SLC35F2: variants seen among roughly 807,000 people sequenced by gnomAD.
SLC35F2 encodes the protein solute carrier family 35 member F2.
Under a neutral mutation model 38.1 loss-of-function variants are expected in SLC35F2, and 25 were observed. That is an observed-to-expected ratio of 0.66 (90% CI 0.48 to 0.92). The LOEUF (loss-of-function observed/expected upper bound fraction) is 0.92. Among genes scored for constraint, SLC35F2 ranks in the 40% least tolerant of loss-of-function variants. The probability of loss-of-function intolerance (pLI) is 0.00; values close to 1 mark genes in which losing one functional copy is unlikely to be tolerated. For missense variants in SLC35F2, 409 were observed against 452.9 expected, an observed-to-expected ratio of 0.90 and a Z score of 0.88; for synonymous variants, 173 against 181.7, an observed-to-expected ratio of 0.95 and a Z score of 0.38.
intron 1 of SLC35F2, among the ~76,000 whole-genome samples, chr11:107,845,106 T>C (rs770334850): frequency 6.6e-6 from 1 of 152,046 alleles, no homozygotes; most frequent in Non-Finnish European, 1.5e-5. Context: ...TTGCTTCATA[T>C]CACAGTGAAA....
chr11:107,823,790 G>A (rs1273530674), intron 1 of SLC35F2: 1 of 156,576 alleles, frequency 6.4e-6, no homozygotes, highest in African/African-American at 2.4e-5. Flanking sequence ...TTAGTAAGGT[G>A]TGGTGGCGTG....
At chr11:107,823,204 C>A (rs11212389) in intron 1 of SLC35F2, 10 of 985,266 alleles carry the variant, frequency 1.0e-5, no homozygotes, top group Non-Finnish European at 1.2e-5. Flanking sequence ...TTAAGTCTCC[C>A]AGATGAGTCT....
At chr11:107,812,527 G>C (rs1401515115) in intron 2 of SLC35F2, among the ~76,000 whole-genome samples, 2 of 152,006 alleles carry the variant, frequency 1.3e-5, no homozygotes, top group Non-Finnish European at 2.9e-5. Flanking sequence ...AAAAAAAAGA[G>C]GGAGGGCAGG....
intron 1 of SLC35F2, among the ~76,000 whole-genome samples, chr11:107,853,489 C>A (rs530914105): frequency 6.6e-6 from 1 of 151,758 alleles, no homozygotes. Context: ...GAGGCAGAGG[C>A]GGGAGGATCA....
intron 7 of SLC35F2, among the ~76,000 whole-genome samples, chr11:107,800,635 G>T (rs1188352713): frequency 6.6e-6 from 1 of 152,098 alleles, no homozygotes; most frequent in East Asian, 1.9e-4. Context: ...GCAGTGGTGT[G>T]ATCAGATCAT....
chr11:107,815,593 C>CAA (rs946751559), intron 2 of SLC35F2, among the ~76,000 whole-genome samples, 197 bp downstream of exon 2: 14 of 139,532 alleles, frequency 1.0e-4, no homozygotes, highest in South Asian at 9.3e-4. Flanking sequence ...AACACACACA[C>CAA]AAAAAAAAAA....
In SLC35F2 at chr11:107,792,489, AACCACT is replaced by A; in HGVS notation, c.*120_*125del. On this transcript the variant is annotated 3_prime_UTR_variant, in exon 8 of 8. Transcript: ENST00000525815. ...TGTTCAGTGTTCCTTTCTAAAACCT[AACCACT>A]GGATCCAACCCAGGGTTGTAGAGTG... The A allele has an allele frequency of 8.9e-7, 1 of 1,121,812 alleles. No homozygotes were observed. The highest frequency in any genetic ancestry group is 1.2e-6 in the Non-Finnish European group (1 of 819,844). 69.5% of individuals were successfully genotyped at this position (1,121,812 alleles called of 1,614,324 possible). A position where few individuals can be genotyped will look rare whatever the true frequency, so the allele number is the denominator to read the frequency against.
chr11:107,855,985 A>G (rs1860272741), intron 1 of SLC35F2, among the ~76,000 whole-genome samples: 2 of 151,000 alleles, frequency 1.3e-5, no homozygotes, highest in East Asian at 2.0e-4. Context: ...GGCGCCTGTA[A>G]TCCTAGCTAC....
intron 2 of SLC35F2, among the ~76,000 whole-genome samples, chr11:107,812,222 G>A (rs1300474662): frequency 6.6e-6 from 1 of 152,038 alleles, no homozygotes; most frequent in East Asian, 1.9e-4. Flanking sequence ...TATTTCTAAT[G>A]TGGCCCCCTC....
At chr11:107,848,238 TA>T (rs975557670) in intron 1 of SLC35F2, among the ~76,000 whole-genome samples, 2 of 151,748 alleles carry the variant, frequency 1.3e-5, no homozygotes, top group African/African-American at 4.8e-5. Context: ...AAAGAAAACT[TA>T]AAAAAAGTAT....
intron 7 of SLC35F2, among the ~76,000 whole-genome samples, chr11:107,800,638 C>T (rs532894516): frequency 1.3e-5 from 2 of 152,234 alleles, no homozygotes; most frequent in African/African-American, 4.8e-5. Context: ...GTGGTGTGAT[C>T]AGATCATGGC....
chr11:107,828,161 GC>G (rs1306225372), intron 1 of SLC35F2, among the ~76,000 whole-genome samples: 1 of 152,188 alleles, frequency 6.6e-6, no homozygotes, highest in African/African-American at 2.4e-5. Context: ...TACTGGCTGG[GC>G]ACAGTGGCTC....
intron 7 of SLC35F2, among the ~76,000 whole-genome samples, chr11:107,800,157 G>A (rs1430168619): frequency 1.3e-5 from 2 of 151,980 alleles, no homozygotes; most frequent in East Asian, 3.9e-4. Context: ...CAAGGTCCTG[G>A]GATTACAGGT....
intron 1 of SLC35F2, among the ~76,000 whole-genome samples, chr11:107,818,065 AAAAAAAAAAAGAAAGAAAGAAAGAAAG>A (rs1859605316): frequency 1.5e-5 from 2 of 134,076 alleles, no homozygotes; most frequent in African/African-American, 6.3e-5. Context: ...TCAAAAAAAA[AAAAAAAAAAAGAAAGAAAGAAAGAAAG>A]AAAGAAAGAA....
At chr11:107,841,120 C>T (rs1010294143) in intron 1 of SLC35F2, among the ~76,000 whole-genome samples, 2 of 152,170 alleles carry the variant, frequency 1.3e-5, no homozygotes, top group African/African-American at 4.8e-5. Context: ...CGAGGATTAT[C>T]GGGGAACCTG....
chr11:107,842,978 AAGTG>A (rs1431901743), intron 1 of SLC35F2, among the ~76,000 whole-genome samples: 4 of 152,164 alleles, frequency 2.6e-5, no homozygotes, highest in Admixed American at 1.3e-4. Context: ...CAAAGAGTCA[AAGTG>A]AGTGTTTGTA....
At chr11:107,841,461 G>A (rs1339674433) in intron 1 of SLC35F2, among the ~76,000 whole-genome samples, 1 of 151,246 alleles carries the variant, frequency 6.6e-6, no homozygotes, top group Non-Finnish European at 1.5e-5. Flanking sequence ...TCCTCAGGAG[G>A]CTGAGGCAGG....
intron 1 of SLC35F2, among the ~76,000 whole-genome samples, chr11:107,843,107 A>C (rs970943774): frequency 2.0e-4 from 30 of 152,234 alleles, no homozygotes; most frequent in Non-Finnish European, 3.8e-4. Flanking sequence ...AAACATGATA[A>C]TAAAAGCATA....
chr11:107,826,271 G>A (rs1010566056), intron 1 of SLC35F2, among the ~76,000 whole-genome samples: 1 of 148,638 alleles, frequency 6.7e-6, no homozygotes, highest in Non-Finnish European at 1.5e-5. Flanking sequence ...TAAAAGGAAA[G>A]ATAAAACTTT....
Sources: gnomAD v4.1 joint callset for allele counts (sites outside exome capture counted in the v4.1 genomes callset) on GRCh38, gnomAD v4.1.1 for gene constraint, MANE v1.5 for transcripts, NCBI Gene and HGNC (gene_info 2026-07-23, HGNC 2026-07-21) for gene names.